PRDM1: variants seen among roughly 807,000 people sequenced by gnomAD.
The protein encoded by PRDM1 is PR domain zinc finger protein 1.
A neutral mutation model predicts 62.8 loss-of-function variants in PRDM1; 13 were observed. The ratio of observed to expected loss-of-function variants is 0.21; its 90% CI spans 0.13 to 0.33. The LOEUF (loss-of-function observed/expected upper bound fraction) is 0.33, where lower values mean the gene tolerates loss of function less well. Ranked by LOEUF, PRDM1 falls within the 10% of genes least tolerant of loss-of-function variation. PRDM1 has a pLI of 1.00. For missense variants in PRDM1, 895 were observed against 1,058.8 expected, an observed-to-expected ratio of 0.85 and a Z score of 2.15; for synonymous variants, 396 against 417.6, an observed-to-expected ratio of 0.95 and a Z score of 0.63.
chr6:106,092,534 T>C (rs567578513), intron 2 of PRDM1, among the ~76,000 whole-genome samples: 1 of 152,342 alleles, frequency 6.6e-6, no homozygotes, highest in Admixed American at 6.5e-5. Context: ...TCTTTGTCTT[T>C]TTAGCACTGT....
rs1393036975 is a variant in PRDM1 at position 106,108,411 on chromosome 6, AT to A, written c.*926del. 4.3e-6 allele frequency: 1 copy of A among 233,386 alleles called. No homozygotes were observed. Among genetic ancestry groups the A allele is most frequent in the Non-Finnish European group, 8.5e-6 (1 of 117,994 alleles). The allele number at this position is 233,386 out of a possible 1,614,324, so 14.5% of individuals were successfully genotyped here. A position where few individuals can be genotyped will look rare whatever the true frequency, so the allele number is the denominator to read the frequency against. ...ATCAGAAAATGTGAAGAAGAAAAAA[AT>A]GCCATGTTTTAAAACCACTGCGAAA... On this transcript the variant is annotated 3_prime_UTR_variant, in exon 7 of 7. Transcript: ENST00000369096.
chr6:106,060,011 G>T (rs1773320612), intron 1 of PRDM1, among the ~76,000 whole-genome samples: 1 of 152,206 alleles, frequency 6.6e-6, no homozygotes, highest in Admixed American at 6.5e-5. Flanking sequence ...TCCAAATAAA[G>T]TTGGCAAGTA....
intron 1 of PRDM1, among the ~76,000 whole-genome samples, chr6:106,003,328 G>T (rs1772449491): frequency 6.6e-6 from 1 of 152,120 alleles, no homozygotes; most frequent in Non-Finnish European, 1.5e-5. Flanking sequence ...CATACATTCA[G>T]GACATTTTAA....
At chr6:106,085,205 T>G (rs958250467), upstream of PRDM1, among the ~76,000 whole-genome samples, 2 of 152,098 alleles carry the variant, frequency 1.3e-5, no homozygotes, top group African/African-American at 2.4e-5. Flanking sequence ...GGTGTGTGTG[T>G]GGGTGGATGT....
At chr6:106,041,746 C>T (rs1773001619) in intron 1 of PRDM1, among the ~76,000 whole-genome samples, 1 of 151,722 alleles carries the variant, frequency 6.6e-6, no homozygotes, top group Admixed American at 6.6e-5. Context: ...ATAATTCCTC[C>T]ACTTAGCATC....
At chr6:106,089,324 A>G (rs1186396958) in intron 2 of PRDM1, among the ~76,000 whole-genome samples, 2 of 152,222 alleles carry the variant, frequency 1.3e-5, no homozygotes, top group Non-Finnish European at 2.9e-5. Flanking sequence ...CACCATTAGC[A>G]CAGAGCACTG....
intron 1 of PRDM1, among the ~76,000 whole-genome samples, chr6:106,000,887 G>C (rs1283309023): frequency 1.3e-5 from 2 of 152,092 alleles, no homozygotes; most frequent in African/African-American, 2.4e-5. Context: ...GTCTTTCTAG[G>C]ATACCACATA....
intron 1 of PRDM1, among the ~76,000 whole-genome samples, chr6:106,012,137 C>T (rs1372322083): frequency 7.0e-6 from 1 of 141,862 alleles, no homozygotes; most frequent in African/African-American, 2.6e-5. Context: ...ACAAACATAA[C>T]ACACACACCA....
chr6:106,066,659 G>A (rs1464379650), intron 1 of PRDM1, among the ~76,000 whole-genome samples: 1 of 151,954 alleles, frequency 6.6e-6, no homozygotes, highest in Non-Finnish European at 1.5e-5. Context: ...TTAAAGATTT[G>A]AAAAAATACA....
In PRDM1 at chr6:106,105,872, G is replaced by T; in HGVS notation, c.1712G>T (p.Gly571Val). The T allele has an allele frequency of 6.2e-7, 1 of 1,614,126 alleles. No homozygotes were observed. Among genetic ancestry groups the T allele is most frequent in the Non-Finnish European group, 8.5e-7 (1 of 1,180,016 alleles). ...TLPYPLKKQN[G>V]KIKYECNVCA... is the part of the protein sequence containing the mutation. ...CCCTACCCGCTGAAGAAGCAGAACG[G>T]CAAGATCAAGTACGAATGCAACGTT... The change falls in exon 5 of 7, where the codon GGC (glycine) becomes GTC (valine). Residue 571 changes from glycine (G) to valine (V), a missense_variant. By Grantham distance (109) the Gly-to-Val change is moderately radical. Around this residue, in one of 4 missense-constraint regions of PRDM1, gnomAD observed 74 missense variants for 172.4 expected, o/e 0.43. Coordinates refer to ENST00000369096, the MANE Select transcript of PRDM1 (RefSeq NM_001198.4).
intron 1 of PRDM1, among the ~76,000 whole-genome samples, chr6:106,040,114 A>G (rs1772973624): frequency 6.6e-6 from 1 of 152,238 alleles, no homozygotes; most frequent in Admixed American, 6.5e-5. Context: ...AAGCAGCCAA[A>G]TGTTTGAAAC....
chr6:105,998,358 C>A (rs1772375313), intron 1 of PRDM1, among the ~76,000 whole-genome samples: 1 of 151,878 alleles, frequency 6.6e-6, no homozygotes, highest in South Asian at 2.1e-4. Context: ...TCAAAGCCAG[C>A]CTGGACAACA....
At chr6:106,062,405 T>C (rs1270839995) in intron 1 of PRDM1, among the ~76,000 whole-genome samples, 3 of 152,246 alleles carry the variant, frequency 2.0e-5, no homozygotes, top group African/African-American at 4.8e-5. Context: ...AATTCATATC[T>C]TGAAAGTGAT....
At chr6:106,099,186 C>G (rs1582471343) in intron 3 of PRDM1, 114 bp from the exon 4 acceptor site, 2 of 1,601,942 alleles carry the variant, frequency 1.2e-6, no homozygotes, top group East Asian at 4.5e-5. Context: ...CTTTTTCTAA[C>G]TAGGCAGTAG....
In PRDM1 at chr6:106,106,979, A is replaced by C; in HGVS notation, c.1971A>C (p.Lys657Asn). ...ACCTGCGACTCCATTCTGGAGAGAAACCATACCAATGCAAGGTGTGCCCTG... is the reference window on the plus strand; with the variant it reads ...ACCTGCGACTCCATTCTGGAGAGAACCCATACCAATGCAAGGTGTGCCCTG... ...KTHLRLHSGE[K>N]PYQCKVCPAK... Residue 657 changes from lysine (K) to asparagine (N), a missense_variant, in exon 7 of 7, where the codon AAA (lysine) becomes AAC (asparagine). By Grantham distance (94) the Lys-to-Asn change is moderately conservative (BLOSUM62 0). Coordinates refer to ENST00000369096, the MANE Select transcript of PRDM1 (RefSeq NM_001198.4). The surrounding 1 kb of genome is among the most constrained non-coding windows in gnomAD (Gnocchi z 4.4). 1 of 1,614,138 alleles carries C rather than the reference A, an allele frequency of 6.2e-7. No individual in the cohort carries two copies. The highest frequency in any genetic ancestry group is 8.5e-7 in the Non-Finnish European group (1 of 1,180,038).
At chr6:106,101,106 C>T (rs1774256932) in intron 4 of PRDM1, among the ~76,000 whole-genome samples, 3 of 152,090 alleles carry the variant, frequency 2.0e-5, no homozygotes, top group Middle Eastern at 3.2e-3. Context: ...TCCAGCTGTG[C>T]GTCTCAGAAG....
chr6:106,037,627 C>A (rs778528960), intron 1 of PRDM1, among the ~76,000 whole-genome samples: 1 of 152,094 alleles, frequency 6.6e-6, no homozygotes, highest in African/African-American at 2.4e-5. Context: ...TCTGCCTGCA[C>A]AAATCTGGCC....
intron 1 of PRDM1, among the ~76,000 whole-genome samples, chr6:106,055,725 C>T (rs1231251244): frequency 6.6e-6 from 1 of 152,120 alleles, no homozygotes; most frequent in African/African-American, 2.4e-5. Context: ...TTTATTGCTG[C>T]CGTTGAAAAA....
At chr6:106,024,004 T>C (rs1562146942) in intron 1 of PRDM1, among the ~76,000 whole-genome samples, 1 of 152,032 alleles carries the variant, frequency 6.6e-6, no homozygotes, top group Non-Finnish European at 1.5e-5. Flanking sequence ...TAGCCAGGCA[T>C]GGTAGCACGC....
Sources: gnomAD v4.1 joint callset for allele counts (sites outside exome capture counted in the v4.1 genomes callset) on GRCh38, gnomAD v4.1.1 for gene constraint, gnomAD v4.1.1 regional missense constraint, Gnocchi (gnomAD v3.1) non-coding constraint, MANE v1.5 for transcripts, NCBI Gene and HGNC (gene_info 2026-07-23, HGNC 2026-07-21) for gene names.